The following VPS37A variants were observed in gnomAD, a reference collection of about 807,000 sequenced individuals.
VPS37A encodes vacuolar protein sorting-associated protein 37A.
Under a neutral mutation model 49.8 loss-of-function variants are expected in VPS37A, and 30 were observed. That is an observed-to-expected ratio of 0.60 (90% CI 0.45 to 0.82). VPS37A has a LOEUF of 0.82. VPS37A is among the 40% of genes least tolerant of loss of function. The pLI is 0.00. For synonymous variants in VPS37A, 195 were observed against 160.6 expected (o/e 1.21, Z -1.62); for missense variants, 593 against 464.4 (o/e 1.28, Z -2.55).
chr8:17,268,018 A>G (rs966552427), intron 2 of VPS37A, among the ~76,000 whole-genome samples: 13 of 152,178 alleles, frequency 8.5e-5, no homozygotes, highest in African/African-American at 2.7e-4. Flanking sequence ...AGAATATTCT[A>G]TAATTCATGT....
chr8:17,260,787 A>C (rs1338922614), intron 1 of VPS37A, among the ~76,000 whole-genome samples: 2 of 152,122 alleles, frequency 1.3e-5, no homozygotes, highest in Non-Finnish European at 2.9e-5. Context: ...CATTTGGAAA[A>C]TGTTGTTCCA....
the VPS37A span, among the ~76,000 whole-genome samples, chr8:17,332,918 C>T: frequency 6.6e-6 from 1 of 152,180 alleles, no homozygotes; most frequent in Non-Finnish European, 1.5e-5. Flanking sequence ...GACAGCATGG[C>T]AGGCGACAGG....
the VPS37A span, among the ~76,000 whole-genome samples, chr8:17,325,161 C>T: frequency 6.6e-6 from 1 of 151,958 alleles, no homozygotes; most frequent in Non-Finnish European, 1.5e-5. Flanking sequence ...GCAGAGAGAA[C>T]TATTTCAGAG....
chr8:17,321,795 G>T, the VPS37A span, among the ~76,000 whole-genome samples: 1 of 152,102 alleles, frequency 6.6e-6, no homozygotes, highest in South Asian at 2.1e-4. Flanking sequence ...TCATGCCCAG[G>T]TCTAGTGATA....
the VPS37A span, among the ~76,000 whole-genome samples, chr8:17,318,450 A>T: frequency 1.3e-5 from 2 of 152,176 alleles, no homozygotes; most frequent in Non-Finnish European, 2.9e-5. Context: ...CCGATATGAT[A>T]GAACAGTCAT....
chr8:17,323,987 G>A, the VPS37A span, among the ~76,000 whole-genome samples: 1 of 152,146 alleles, frequency 6.6e-6, no homozygotes, highest in African/African-American at 2.4e-5. Context: ...ATCGCTGAGA[G>A]AAATATAACT....
chr8:17,311,127 T>G, the VPS37A span, among the ~76,000 whole-genome samples: 1 of 152,190 alleles, frequency 6.6e-6, no homozygotes, highest in Non-Finnish European at 1.5e-5. Flanking sequence ...ATACACAATA[T>G]AGAAAATTTC....
chr8:17,257,087 C>T (rs974586460), intron 1 of VPS37A, among the ~76,000 whole-genome samples: 7 of 152,222 alleles, frequency 4.6e-5, no homozygotes, highest in East Asian at 1.9e-4. Context: ...TTAATCCATT[C>T]TTATTTGATT....
chr8:17,275,711 G>T (rs1277777555), intron 5 of VPS37A, among the ~76,000 whole-genome samples: 3 of 152,118 alleles, frequency 2.0e-5, no homozygotes, highest in South Asian at 4.1e-4. Context: ...ATTTAAAGGG[G>T]TATAAAACCT....
chr8:17,257,773 AAT>A (rs1252399954), intron 1 of VPS37A, among the ~76,000 whole-genome samples: 1 of 152,186 alleles, frequency 6.6e-6, no homozygotes, highest in Non-Finnish European at 1.5e-5. Context: ...ACAAGCATGG[AAT>A]ATGTTTCCAT....
At chr8:17,266,622 A>T (rs1289630016) in intron 2 of VPS37A, among the ~76,000 whole-genome samples, 1 of 152,146 alleles carries the variant, frequency 6.6e-6, no homozygotes, top group Non-Finnish European at 1.5e-5. Context: ...ATAAGAAGGC[A>T]CCTAACTTGA....
At chr8:17,268,180 CTTTGT>C (rs553163360) in intron 2 of VPS37A, 73 bp from the exon 3 acceptor site, 58 of 974,492 alleles carry the variant, frequency 6.0e-5, no homozygotes, top group Non-Finnish European at 7.9e-5. Context: ...TTTTAAATAG[CTTTGT>C]TTTAAGATTT....
downstream of VPS37A, among the ~76,000 whole-genome samples, chr8:17,305,574 T>A (rs1263118018): frequency 6.6e-6 from 1 of 152,174 alleles, no homozygotes; most frequent in African/African-American, 2.4e-5. Flanking sequence ...TATTTATCTG[T>A]CAGTTGATGA....
At chr8:17,266,993 G>A (rs1476930780) in intron 2 of VPS37A, among the ~76,000 whole-genome samples, 1 of 151,950 alleles carries the variant, frequency 6.6e-6, no homozygotes, top group Admixed American at 6.6e-5. Context: ...GGCTGGTCTC[G>A]AACTCCTGAC....
chr8:17,263,099 A>G (rs961738937), intron 1 of VPS37A, among the ~76,000 whole-genome samples: 1 of 152,108 alleles, frequency 6.6e-6, no homozygotes, highest in South Asian at 2.1e-4. Flanking sequence ...AACATTTACT[A>G]ATTTGGAAAG....
chr8:17,297,723 A>AGTCTT lies in VPS37A; in HGVS notation c.*2740_*2744dup, dbSNP rs1279212339. 7.8e-6 allele frequency: 1 copy of AGTCTT among 128,866 alleles called. No individual in the cohort carries two copies. Among genetic ancestry groups the AGTCTT allele is most frequent in the African/African-American group, 2.5e-5 (1 of 39,770 alleles). The allele number at this position is 128,866 out of a possible 1,614,324, so 8.0% of individuals were successfully genotyped here. ...TTAATGTTTGATTATTAGATATTTT[A>AGTCTT]GTCTTGTTGGGGATATTTTAGTCTT... is the stretch of plus-strand genomic sequence containing the variant. On this transcript the variant is annotated 3_prime_UTR_variant, in exon 12 of 12. Coordinates refer to ENST00000324849, the MANE Select transcript of VPS37A (RefSeq NM_152415.3).
At chr8:17,333,255 A>G in the VPS37A span, among the ~76,000 whole-genome samples, 1 of 152,230 alleles carries the variant, frequency 6.6e-6, no homozygotes, top group Non-Finnish European at 1.5e-5. Context: ...AAATATTAAA[A>G]TAATGCATTT....
chr8:17,320,712 C>G, the VPS37A span, among the ~76,000 whole-genome samples: 1 of 152,194 alleles, frequency 6.6e-6, no homozygotes, highest in African/African-American at 2.4e-5. Context: ...GATCTGATGC[C>G]TTGTGACAGT....
intron 4 of VPS37A, 112 bp downstream of exon 4, chr8:17,269,068 C>G (rs1191111185): frequency 5.7e-6 from 4 of 698,940 alleles, no homozygotes; most frequent in Non-Finnish European, 9.1e-6. Flanking sequence ...TTTCTACATC[C>G]CCACAAATAC....
Sources: gnomAD v4.1 joint callset for allele counts (sites outside exome capture counted in the v4.1 genomes callset) on GRCh38, gnomAD v4.1.1 for gene constraint, MANE v1.5 for transcripts, NCBI Gene and HGNC (gene_info 2026-07-23, HGNC 2026-07-21) for gene names.